The following BMP7 variants were observed in gnomAD, a reference collection of about 807,000 sequenced individuals.
BMP7 encodes the protein bone morphogenetic protein 7, also known as osteogenic protein 1.
In BMP7, 12 loss-of-function variants were observed where a neutral mutation model predicts 41.2. The observed-to-expected ratio is 0.29, with a 90% CI of 0.19 to 0.47. The LOEUF (loss-of-function observed/expected upper bound fraction) is 0.47, where lower values mean the gene tolerates loss of function less well. Among genes scored for constraint, BMP7 ranks in the 20% least tolerant of loss-of-function variants. BMP7 has a pLI of 0.99. For missense variants in BMP7, 467 were observed against 606.0 expected (o/e 0.77, Z 2.41); for synonymous variants, 248 against 250.0 (o/e 0.99, Z 0.07).
At chr20:57,202,704 T>C in intron 2 of BMP7, 81 bp from the exon 3 acceptor site, 3 of 606,234 alleles carry the variant, frequency 4.9e-6, no homozygotes, top group Non-Finnish European at 8.7e-6. Flanking sequence ...AAGCAGAGCC[T>C]CATGGGGTGG....
intron 1 of BMP7, among the ~76,000 whole-genome samples, chr20:57,234,116 T>C (rs1388660615): frequency 6.6e-6 from 1 of 152,124 alleles, no homozygotes; most frequent in Non-Finnish European, 1.5e-5. Flanking sequence ...CTGTCTCTCT[T>C]GGAGAGTCCA....
rs57283850 is a variant in BMP7 at position 57,212,437 on chromosome 20, C to T, written c.612-9814G>A. Among the ~76,000 whole-genome samples the T allele has an allele frequency of 3.2e-3, 486 of 152,280 alleles. 2 individuals carry two copies. The highest frequency in any genetic ancestry group is 0.011 in the African/African-American group (459 of 41,556). On this transcript the variant is annotated intron_variant, in intron 2 of 6. Transcript: ENST00000395863. ...GAGTTCTAAGCAGGAGTGGAGATGA[C>T]GGGCTCTGCCACTCGCAGACCCAGC...
In BMP7 at chr20:57,214,351, C is replaced by T. The variant is rs1170843865; in HGVS notation, c.612-11728G>A. Reference sequence around the variant, plus strand: ...GGGGCTGAGCAATTAACTTCCCTGCCTCAAACCCTTTATCAGCTCTTAGGA... The same window carrying T: ...GGGGCTGAGCAATTAACTTCCCTGCTTCAAACCCTTTATCAGCTCTTAGGA... On this transcript the variant is annotated intron_variant, in intron 2 of 6. Transcript: ENST00000395863. This position sits in a 1 kb window ranked among gnomAD's most constrained non-coding sequence, Gnocchi z 4.0. Among the ~76,000 whole-genome samples, 3 of 152,198 alleles carry T rather than the reference C, an allele frequency of 2.0e-5. No individual in the cohort carries two copies. The highest frequency in any genetic ancestry group is 7.2e-5 in the African/African-American group (3 of 41,438).
intron 2 of BMP7, among the ~76,000 whole-genome samples, chr20:57,227,857 A>G (rs955102064): frequency 6.6e-5 from 10 of 152,178 alleles, no homozygotes; most frequent in African/African-American, 2.4e-4. Flanking sequence ...GGCCACCTTA[A>G]TTGGTTGCCT....
chr20:57,217,100 G>A (rs1387997096), intron 2 of BMP7, among the ~76,000 whole-genome samples: 2 of 152,136 alleles, frequency 1.3e-5, no homozygotes, highest in Non-Finnish European at 2.9e-5. Flanking sequence ...AGCTTTCCAA[G>A]GAGAATGACC....
chr20:57,203,692 A>G (rs1250962372), intron 2 of BMP7, among the ~76,000 whole-genome samples: 4 of 152,264 alleles, frequency 2.6e-5, no homozygotes, highest in South Asian at 2.1e-4. Flanking sequence ...CAAAGTTTCA[A>G]TACTTTGAGT....
rs1272828790 is a variant in BMP7, at chr20:57,213,349, T to G, written c.612-10726A>C. Among the ~76,000 whole-genome samples the G allele has an allele frequency of 1.3e-5, 2 of 152,204 alleles. No homozygotes were observed. Among genetic ancestry groups the G allele is most frequent in the African/African-American group, 2.4e-5 (1 of 41,446 alleles). On this transcript the variant is annotated intron_variant, in intron 2 of 6. Coordinates refer to ENST00000395863, the MANE Select transcript of BMP7 (RefSeq NM_001719.3). This position sits in a 1 kb window ranked among gnomAD's most constrained non-coding sequence, Gnocchi z 4.4. Reference sequence around the variant, plus strand: ...TGGAGTTTATCAAGGTCTCAAAAACTGCAACTTATTAATAGGATAGCTAAG... The same window carrying G: ...TGGAGTTTATCAAGGTCTCAAAAACGGCAACTTATTAATAGGATAGCTAAG...
intron 2 of BMP7, among the ~76,000 whole-genome samples, chr20:57,212,792 G>A (rs1984925041): frequency 1.3e-5 from 2 of 152,204 alleles, no homozygotes; most frequent in African/African-American, 4.8e-5. Flanking sequence ...GAGCCCAGAA[G>A]GAAGCCGGCC....
intron 3 of BMP7, among the ~76,000 whole-genome samples, chr20:57,197,167 T>G (rs1253554412): frequency 6.6e-6 from 1 of 152,026 alleles, no homozygotes; most frequent in African/African-American, 2.4e-5. Context: ...CCCAAAGTGT[T>G]GGGATTATAG....
intron 1 of BMP7, among the ~76,000 whole-genome samples, chr20:57,245,149 G>A (rs1007184220): frequency 4.6e-5 from 7 of 152,182 alleles, no homozygotes; most frequent in African/African-American, 1.7e-4. Context: ...CCCAGGGGCT[G>A]ATGGGGCAGA....
Position 57,228,236 on chromosome 20 carries a change from A to C in BMP7, c.604T>G (p.Leu202Val). The change falls in exon 2 of 7, where the codon TTG becomes GTG. Residue 202 changes from leucine to valine, a missense_variant. Around this residue, in one of 2 missense-constraint regions of BMP7, gnomAD observed 407 missense variants for 485.9 expected, o/e 0.84. Coordinates refer to ENST00000395863, the MANE Select transcript of BMP7 (RefSeq NM_001719.3). This position sits in a 1 kb window ranked among gnomAD's most constrained non-coding sequence, Gnocchi z 4.5. ...TACCCGTATAGCACCCACCTGCCCA[A>C]GTGCTCCTGGAGCACCTGATAAACG... ...ISVYQVLQEH[L>V]GRESDLFLLD... is the part of the protein sequence containing the mutation. The C allele has an allele frequency of 6.2e-7, 1 of 1,613,380 alleles. No homozygotes were observed. Among genetic ancestry groups the C allele is most frequent in the South Asian group, 1.1e-5 (1 of 91,018 alleles).
rs1022630665 is a variant in BMP7 at position 57,224,687 on chromosome 20, A to G, written c.611+3542T>C. 1 of 152,026 alleles carries G rather than the reference A, an allele frequency of 6.6e-6. No homozygotes were observed. Among genetic ancestry groups the G allele is most frequent in the Admixed American group, 6.6e-5 (1 of 15,258 alleles). 9.4% of individuals were successfully genotyped at this position (152,026 alleles called of 1,614,324 possible). A position where few individuals can be genotyped will look rare whatever the true frequency, so the allele number is the denominator to read the frequency against. ...CTGGGGTTCAGAAAATGAGGATAAG[A>G]CTCCGATCCTTTCGCAGCCCCCTCT... On this transcript the variant is annotated intron_variant, in intron 2 of 6. Coordinates refer to ENST00000395863, the MANE Select transcript of BMP7 (RefSeq NM_001719.3). The surrounding 1 kb of genome is among the most constrained non-coding windows in gnomAD (Gnocchi z 4.8).
chr20:57,195,421 C>T (rs1423040576), intron 3 of BMP7, among the ~76,000 whole-genome samples: 1 of 152,232 alleles, frequency 6.6e-6, no homozygotes, highest in Non-Finnish European at 1.5e-5. Flanking sequence ...CTTGTGACAT[C>T]TGCCTGGCCC....
intron 1 of BMP7, among the ~76,000 whole-genome samples, chr20:57,229,785 C>T (rs2066021851): frequency 6.6e-6 from 1 of 152,234 alleles, no homozygotes; most frequent in Non-Finnish European, 1.5e-5. Context: ...TGGGTTATGG[C>T]TGCCCGGTTC....
chr20:57,191,333 G>A (rs1984352997), intron 3 of BMP7, among the ~76,000 whole-genome samples: 1 of 152,128 alleles, frequency 6.6e-6, no homozygotes, highest in Admixed American at 6.5e-5. Flanking sequence ...GGGGCCAACA[G>A]AAGGAAAGTT....
intron 1 of BMP7, among the ~76,000 whole-genome samples, chr20:57,247,730 C>T (rs964855984): frequency 2.6e-5 from 4 of 152,194 alleles, no homozygotes; most frequent in African/African-American, 9.6e-5. Context: ...AACACTGACA[C>T]AGATTCTTAA....
At chr20:57,180,463 C>T (rs572126223) in intron 4 of BMP7, among the ~76,000 whole-genome samples, 1 of 152,162 alleles carries the variant, frequency 6.6e-6, no homozygotes, top group Non-Finnish European at 1.5e-5. Context: ...TCGCTCGCCA[C>T]GAAATGTTGT....
intron 2 of BMP7, among the ~76,000 whole-genome samples, chr20:57,220,632 G>A (rs116555287): frequency 0.01 from 1,538 of 152,184 alleles, 21 homozygotes; most frequent in African/African-American, 0.035. Flanking sequence ...CCAGGCTGCC[G>A]CACACACGCT....
rs2146036463 is a variant in BMP7, at chr20:57,266,388, G to T, written c.-266C>A. On this transcript the variant is annotated 5_prime_UTR_variant, in exon 1 of 7. Transcript: ENST00000395863. The stretch of plus-strand genomic sequence containing the variant: ...AAGCAGCCCCGGCGAACGAAAAGGC[G>T]AGTGAGGAGGCGGGCGCGGGTGGGA... 4.5e-6 allele frequency: 1 copy of T among 220,884 alleles called. No individual in the cohort carries two copies. The highest frequency in any genetic ancestry group is 8.7e-6 in the Non-Finnish European group (1 of 114,526). The allele number at this position is 220,884 out of a possible 1,614,324, so 13.7% of individuals were successfully genotyped here.
Sources: allele counts gnomAD v4.1 joint callset (sites outside exome capture counted in the v4.1 genomes callset), GRCh38; gene constraint gnomAD v4.1.1; regional missense constraint gnomAD v4.1.1; non-coding constraint Gnocchi (gnomAD v3.1); transcripts MANE v1.5; gene names NCBI Gene and HGNC (gene_info 2026-07-23, HGNC 2026-07-21).